The following LILRA2 variants were observed in gnomAD, a reference collection of about 807,000 sequenced individuals.
The protein encoded by LILRA2 is leukocyte immunoglobulin-like receptor subfamily A member 2.
A neutral mutation model predicts 47.9 loss-of-function variants in LILRA2; 45 were observed. The observed-to-expected ratio is 0.94, with a 90% CI of 0.74 to 1.20. The LOEUF is 1.20. LILRA2 is among the 50% of genes most tolerant of loss of function. LILRA2 has a pLI of 0.00. For missense variants in LILRA2, 651 were observed against 598.2 expected, an observed-to-expected ratio of 1.09 and a Z score of -0.92; for synonymous variants, 279 against 249.2, an observed-to-expected ratio of 1.12 and a Z score of -1.13.
At position 54,587,670 on chromosome 19, in the gene LILRA2, C is replaced by A. The variant is rs148782921; in HGVS notation, c.*324C>A. 3,157 of 381,050 alleles carry A rather than the reference C, an allele frequency of 8.3e-3. No individual in the cohort carries two copies. The South Asian group carries it at 0.089, about 11-fold the overall frequency. The allele number at this position is 381,050 out of a possible 1,614,324, so 23.6% of individuals were successfully genotyped here. ...CTCCACACACCTGTGTGCTCTGGTC[C>A]ACGGCATGTGACACAGTCTTCCTTA... On this transcript the variant is annotated 3_prime_UTR_variant, in exon 8 of 8. Coordinates refer to ENST00000391738, the MANE Select transcript of LILRA2 (RefSeq NM_001130917.3).
Position 54,587,020 on chromosome 19 carries a change from G to T in LILRA2, c.1266G>T (p.Glu422Asp). Reference protein sequence around the residue: ...PLELVVSEAAETLSPSQNKTD... With the variant: ...PLELVVSEAADTLSPSQNKTD... ...TGTTTTGATTCTCAGAAGCAGCTGAGACCCTCAGCCCATCACAAAACAAGA... is the reference window on the plus strand; with the variant it reads ...TGTTTTGATTCTCAGAAGCAGCTGATACCCTCAGCCCATCACAAAACAAGA... The change falls in exon 7 of 8, where the codon GAG (glutamate) becomes GAT (aspartate). Residue 422 changes from glutamate (E) to aspartate (D), a missense_variant. Coordinates refer to ENST00000391738, the MANE Select transcript of LILRA2 (RefSeq NM_001130917.3). 6.2e-7 allele frequency: 1 copy of T among 1,612,744 alleles called. No individual in the cohort carries two copies. Among genetic ancestry groups the T allele is most frequent in the South Asian group, 1.1e-5 (1 of 90,914 alleles).
intron 6 of LILRA2, 97 bp downstream of exon 6, chr19:54,576,206 GCGGGAGGGTCCACA>G: frequency 2.6e-6 from 4 of 1,561,938 alleles, no homozygotes; most frequent in Non-Finnish European, 3.5e-6. Flanking sequence ...GGGGAGTGAA[GCGGGAGGGTCCACA>G]GGGGAGGGTC....
intron 6 of LILRA2, among the ~76,000 whole-genome samples, chr19:54,585,024 G>T (rs556634829): frequency 3.3e-5 from 5 of 152,320 alleles, no homozygotes; most frequent in Non-Finnish European, 5.9e-5. Flanking sequence ...CCTTCTAAGA[G>T]TCAGACCCCT....
At chr19:54,574,629 AG>A in intron 3 of LILRA2, 47 bp downstream of exon 3, 1 of 1,607,000 alleles carries the variant, frequency 6.2e-7, no homozygotes, top group Non-Finnish European at 8.5e-7. Flanking sequence ...GCCCTCAGGA[AG>A]GGGGTCGGCT....
chr19:54,584,194 T>C (rs1034693754), intron 6 of LILRA2, among the ~76,000 whole-genome samples: 1 of 152,244 alleles, frequency 6.6e-6, no homozygotes, highest in African/African-American at 2.4e-5. Context: ...TCTCTCTGGC[T>C]GCCCTTAATA....
At chr19:54,573,547 C>A (rs1456718328), upstream of LILRA2, 3 of 773,860 alleles carry the variant, frequency 3.9e-6, no homozygotes, top group African/African-American at 5.3e-5. Context: ...TCTGGAAGGG[C>A]AGACGCAGGA....
chr19:54,584,130 CCAAGAGATCCGCTGTTAGT>C (rs2146014383), intron 6 of LILRA2, among the ~76,000 whole-genome samples: 1 of 152,308 alleles, frequency 6.6e-6, no homozygotes, highest in South Asian at 2.1e-4. Context: ...AGAGTTTCTG[CCAAGAGATCCGCTGTTAGT>C]CTGATGGGCT....
intron 4 of LILRA2, 58 bp downstream of exon 4, chr19:54,575,091 G>C: frequency 6.3e-7 from 1 of 1,584,370 alleles, no homozygotes; most frequent in East Asian, 2.2e-5. Flanking sequence ...CTCCAGGCAG[G>C]TGGGGAGCAG....
rs755544732 is a variant in LILRA2, at chr19:54,587,292, G to A, written c.1398G>A (p.Leu466=). 1.9e-6 allele frequency: 3 copies of A among 1,614,118 alleles called. No individual in the cohort carries two copies. In the South Asian group the frequency reaches 3.3e-5, roughly 18 times the overall value. The change falls in exon 8 of 8, where the codon CTG becomes CTA. Residue 466 remains leucine (L), a synonymous_variant. Transcript: ENST00000391738. ...AGLVLVVLGI[L]LFEAQHSQRS... ...TGGTCCTGGTGGTCCTCGGGATTCT[G>A]CTATTTGAGGCTCAGCACAGCCAGA...
In LILRA2 at chr19:54,575,835, G is replaced by T. The variant is rs7249030; in HGVS notation, c.981G>T (p.Ser327=). 6.2e-7 allele frequency: 1 copy of T among 1,606,050 alleles called. No individual in the cohort carries two copies. Among genetic ancestry groups the T allele is most frequent in the Non-Finnish European group, 8.5e-7 (1 of 1,175,516 alleles). ...AGTTCTATGACAGACCCTCTCTCTC[G>T]GTGCAGCCGGTCCCCACAGTAGCCC... The part of the protein sequence containing the change: ...TGQFYDRPSL[S]VQPVPTVAPG... The change falls in exon 6 of 8, where the codon TCG becomes TCT. Residue 327 remains serine (S), a synonymous_variant. Transcript: ENST00000391738.
chr19:54,573,787 A>G, upstream of LILRA2: 7 of 1,605,056 alleles, frequency 4.4e-6, no homozygotes, highest in Non-Finnish European at 5.9e-6. Context: ...AGAAGGATCC[A>G]GCCTCCGAGT....
At chr19:54,577,785 C>T (rs1261959333) in intron 6 of LILRA2, 1 of 1,048,050 alleles carries the variant, frequency 9.5e-7, no homozygotes, top group Non-Finnish European at 1.2e-6. Flanking sequence ...TCTGTATGCA[C>T]TTGTCCTTTG....
At chr19:54,585,231 C>CG (rs2062761582) in intron 6 of LILRA2, among the ~76,000 whole-genome samples, 1 of 152,228 alleles carries the variant, frequency 6.6e-6, no homozygotes, top group Non-Finnish European at 1.5e-5. Flanking sequence ...TCAGGCTACA[C>CG]GGGGGTCAGG....
At position 54,587,520 on chromosome 19, in the gene LILRA2, T is replaced by C. The variant is rs1207612407; in HGVS notation, c.*174T>C. 1.9e-5 allele frequency: 21 copies of C among 1,082,154 alleles called. No homozygotes were observed. In the South Asian group the frequency reaches 3.4e-4, roughly 18 times the overall value. 67.0% of individuals were successfully genotyped at this position (1,082,154 alleles called of 1,614,324 possible). A position where few individuals can be genotyped will look rare whatever the true frequency, so the allele number is the denominator to read the frequency against. On this transcript the variant is annotated 3_prime_UTR_variant, in exon 8 of 8. Coordinates refer to ENST00000391738, the MANE Select transcript of LILRA2 (RefSeq NM_001130917.3). ...TAAGGAAACTGTCTGGGGTGATTCC[T>C]AGAAGATCATTAAACTGTGGTACAT... is the stretch of plus-strand genomic sequence containing the variant.
chr19:54,584,808 G>C (rs1172203071), intron 6 of LILRA2, among the ~76,000 whole-genome samples: 1 of 152,144 alleles, frequency 6.6e-6, no homozygotes, highest in Non-Finnish European at 1.5e-5. Context: ...ATCCAGTCTT[G>C]TTCTGTTGCC....
At chr19:54,573,365 C>A (rs1246274571), upstream of LILRA2, 2 of 749,086 alleles carry the variant, frequency 2.7e-6, no homozygotes, top group Non-Finnish European at 4.7e-6. Context: ...CTCTGCTGAT[C>A]TGAGTCTAAC....
At chr19:54,583,368 AG>A (rs1458765444) in intron 6 of LILRA2, among the ~76,000 whole-genome samples, 2 of 152,118 alleles carry the variant, frequency 1.3e-5, no homozygotes, top group Admixed American at 6.6e-5. Context: ...ATATTGACAG[AG>A]GGGTGTTAAA....
chr19:54,578,121 A>T (rs10649783), intron 6 of LILRA2, among the ~76,000 whole-genome samples: 132,281 of 148,418 alleles, frequency 0.89, 58,791 homozygotes, highest in Non-Finnish European at 0.95. Flanking sequence ...TGATTTCTTT[A>T]TATATATATA....
chr19:54,586,214 A>G lies in LILRA2; in HGVS notation c.1256-796A>G, dbSNP rs192730355. On this transcript the variant is annotated intron_variant, in intron 6 of 7. Transcript: ENST00000391738. ...ACATGATGTGAGTGGAGGTATATCTAAACACATTTTTATATGTATTCATCC... is the reference window on the plus strand; with the variant it reads ...ACATGATGTGAGTGGAGGTATATCTGAACACATTTTTATATGTATTCATCC... Among the ~76,000 whole-genome samples the G allele has an allele frequency of 4.8e-3, 735 of 152,328 alleles. 6 individuals are homozygous for G. The highest frequency in any genetic ancestry group is 0.017 in the African/African-American group (695 of 41,570).
Sources: gnomAD v4.1 joint callset for allele counts (sites outside exome capture counted in the v4.1 genomes callset) on GRCh38, gnomAD v4.1.1 for gene constraint, MANE v1.5 for transcripts, NCBI Gene and HGNC (gene_info 2026-07-23, HGNC 2026-07-21) for gene names.